The following ZC3H6 variants were observed in gnomAD, a reference collection of about 807,000 sequenced individuals.
The protein encoded by ZC3H6 is zinc finger CCCH-type containing 6.
ZC3H6 carries 40 observed loss-of-function variants against 107.7 expected under a neutral mutation model. The ratio of observed to expected loss-of-function variants is 0.37; its 90% CI spans 0.29 to 0.48. ZC3H6 has a LOEUF of 0.48. Among genes scored for constraint, ZC3H6 ranks in the 20% least tolerant of loss-of-function variants. ZC3H6 has a pLI of 0.98. For missense variants in ZC3H6, 1,267 were observed against 1,410.4 expected (o/e 0.90, Z 1.63); for synonymous variants, 493 against 487.9 (o/e 1.01, Z -0.14).
chr2:112,320,840 G>A (rs547804824), intron 7 of ZC3H6, among the ~76,000 whole-genome samples: 30 of 152,020 alleles, frequency 2.0e-4, no homozygotes, highest in African/African-American at 7.2e-4. Flanking sequence ...AGTGACTGTG[G>A]CAGACATAAA....
At position 112,299,922 on chromosome 2, in the gene ZC3H6, G is replaced by C; in HGVS notation, c.106G>C (p.Glu36Gln). 6.6e-7 allele frequency: 1 copy of C among 1,507,666 alleles called. No homozygotes were observed. Among genetic ancestry groups the C allele is most frequent in the African/African-American group, 1.4e-5 (1 of 70,834 alleles). The allele number at this position is 1,507,666 out of a possible 1,614,324, so 93.4% of individuals were successfully genotyped here. A position where few individuals can be genotyped will look rare whatever the true frequency, so the allele number is the denominator to read the frequency against. Residue 36 changes from glutamate (E) to glutamine (Q), a missense_variant, in exon 2 of 12, where the codon GAG becomes CAG. Around this residue, in one of 3 missense-constraint regions of ZC3H6, gnomAD observed 337 missense variants for 361.2 expected, o/e 0.93. Transcript: ENST00000409871. ...FEEIQEKEAK[E>Q]NEKQKSEKAY... ...AGAAATACAAGAAAAAGAAGCAAAA[G>C]AGAATGAAAAGCAGAAAAGTGAGAA...
intron 1 of ZC3H6, among the ~76,000 whole-genome samples, chr2:112,285,148 C>T (rs1314905143): frequency 1.3e-5 from 2 of 152,076 alleles, no homozygotes; most frequent in African/African-American, 4.8e-5. Flanking sequence ...AATATTATTA[C>T]ACTATTATTT....
At chr2:112,309,763 G>A in intron 3 of ZC3H6, 122 bp from the exon 4 acceptor site, 1 of 929,712 alleles carries the variant, frequency 1.1e-6, no homozygotes, top group Non-Finnish European at 1.6e-6. Context: ...TCAAGAGTCA[G>A]AACTAATAAC....
At position 112,326,114 on chromosome 2, in the gene ZC3H6, T is replaced by C. The variant is rs543343161; in HGVS notation, c.2086+917T>C. ...GTAGTAGGTATATATATTTATGGAG[T>C]ACATGAGGTATTTTGATAGAGGCAT... is the stretch of plus-strand genomic sequence containing the variant. On this transcript the variant is annotated intron_variant, in intron 11 of 11. Coordinates refer to ENST00000409871, the MANE Select transcript of ZC3H6 (RefSeq NM_198581.3). Among the ~76,000 whole-genome samples the C allele has an allele frequency of 2.6e-5, 4 of 152,156 alleles. No individual in the cohort carries two copies. The South Asian group carries it at 8.3e-4, about 32-fold the overall frequency.
At chr2:112,313,725 G>A (rs1229560861) in intron 5 of ZC3H6, among the ~76,000 whole-genome samples, 2 of 152,168 alleles carry the variant, frequency 1.3e-5, no homozygotes, top group Admixed American at 6.5e-5. Flanking sequence ...AGCAGTTCAT[G>A]TTCAGGAATG....
intron 1 of ZC3H6, among the ~76,000 whole-genome samples, chr2:112,282,691 A>C (rs1448414341): frequency 6.6e-6 from 1 of 152,214 alleles, no homozygotes; most frequent in Non-Finnish European, 1.5e-5. Flanking sequence ...AAGGACTAGA[A>C]ATTTACATCA....
intron 1 of ZC3H6, among the ~76,000 whole-genome samples, chr2:112,287,868 C>T (rs1019151016): frequency 9.8e-5 from 15 of 152,378 alleles, no homozygotes; most frequent in Middle Eastern, 6.8e-3. Context: ...TCCCAAAGTA[C>T]TGGGATTACA....
chr2:112,291,341 C>T (rs1334535011), intron 1 of ZC3H6, among the ~76,000 whole-genome samples: 1 of 152,288 alleles, frequency 6.6e-6, no homozygotes, highest in East Asian at 1.9e-4. Context: ...TCAAGCAATT[C>T]TCCTGCCTCA....
At chr2:112,323,552 G>T (rs986474181) in intron 9 of ZC3H6, among the ~76,000 whole-genome samples, 1 of 152,100 alleles carries the variant, frequency 6.6e-6, no homozygotes, top group African/African-American at 2.4e-5. Flanking sequence ...ATTGTATCCT[G>T]GTCAATGAAA....
At position 112,275,990 on chromosome 2, in the gene ZC3H6, C is replaced by T; in HGVS notation, c.-5C>T. On this transcript the variant is annotated 5_prime_UTR_variant, in exon 1 of 12. Coordinates refer to ENST00000409871, the MANE Select transcript of ZC3H6 (RefSeq NM_198581.3). ...CCTCCAGCCCCGCCCCGTTCTTGACCAAACATGACAGACTCTGAACATGCA... is the reference window on the plus strand; with the variant it reads ...CCTCCAGCCCCGCCCCGTTCTTGACTAAACATGACAGACTCTGAACATGCA... 3 of 1,537,714 alleles carry T rather than the reference C, an allele frequency of 2.0e-6. No individual in the cohort carries two copies. The highest frequency in any genetic ancestry group is 2.6e-6 in the Non-Finnish European group (3 of 1,141,676).
Position 112,339,355 on chromosome 2 carries a change from G to C in ZC3H6, c.*6867G>C, listed in dbSNP as rs1573971163. The C allele has an allele frequency of 2.0e-5, 3 of 152,268 alleles. No individual in the cohort carries two copies. In the East Asian group the frequency reaches 5.8e-4, roughly 29 times the overall value. The allele number at this position is 152,268 out of a possible 1,614,324, so 9.4% of individuals were successfully genotyped here. On this transcript the variant is annotated 3_prime_UTR_variant, in exon 12 of 12. Coordinates refer to ENST00000409871, the MANE Select transcript of ZC3H6 (RefSeq NM_198581.3). ...ATAGAAAAATATCTTTTCAAGGGTA[G>C]AATGATATTTCCTTATAAAAGTGAC...
intron 11 of ZC3H6, among the ~76,000 whole-genome samples, chr2:112,329,718 G>T (rs2104726197): frequency 6.6e-6 from 1 of 152,332 alleles, no homozygotes; most frequent in South Asian, 2.1e-4. Flanking sequence ...ATAGTCTGCT[G>T]ATCCAAGATA....
At position 112,324,599 on chromosome 2, in the gene ZC3H6, G is replaced by A. The variant is rs374914554; in HGVS notation, c.1788G>A (p.Glu596=). 2.3e-5 allele frequency: 37 copies of A among 1,611,406 alleles called. No homozygotes were observed. In the East Asian group the frequency reaches 6.7e-4, roughly 29 times the overall value. The change falls in exon 10 of 12, where the codon GAG becomes GAA. Residue 596 remains glutamate, a synonymous_variant. Transcript: ENST00000409871. ...ATGAGTCCCTGCAAAACCCAGCTGA[G>A]TTTTACGATAATTACTATGCACAGC... ...TNYESLQNPA[E]FYDNYYAQHS...
At chr2:112,320,258 GA>G (rs1441875811) in intron 7 of ZC3H6, among the ~76,000 whole-genome samples, 2 of 152,176 alleles carry the variant, frequency 1.3e-5, no homozygotes, top group Admixed American at 1.3e-4. Flanking sequence ...TTAGAAAAAT[GA>G]AATCTATAAT....
intron 11 of ZC3H6, among the ~76,000 whole-genome samples, chr2:112,327,615 T>C (rs1676936110): frequency 6.6e-6 from 1 of 152,202 alleles, no homozygotes; most frequent in Non-Finnish European, 1.5e-5. Flanking sequence ...TTACCCAATG[T>C]TTTCTGGTAG....
rs182639330 is a variant in ZC3H6 at position 112,285,840 on chromosome 2, A to T, written c.32+9814A>T. On this transcript the variant is annotated intron_variant, in intron 1 of 11. Coordinates refer to ENST00000409871, the MANE Select transcript of ZC3H6 (RefSeq NM_198581.3). ...GCTGGGTGTGGTGGCATGCGCCTGT[A>T]ATCCCAGCTACTTGGGAGGCTGAGG... Among the ~76,000 whole-genome samples the T allele has an allele frequency of 9.4e-3, 1,434 of 152,208 alleles. 24 individuals carry two copies. The highest frequency in any genetic ancestry group is 0.033 in the African/African-American group (1,387 of 41,548).
In ZC3H6 at chr2:112,331,767, T is replaced by A. The variant is rs376887156; in HGVS notation, c.2849T>A (p.Phe950Tyr). The A allele has an allele frequency of 3.1e-6, 5 of 1,613,466 alleles. No individual in the cohort carries two copies. The highest frequency in any genetic ancestry group is 1.3e-5 in the African/African-American group (1 of 74,834). The change falls in exon 12 of 12, where the codon TTT (phenylalanine) becomes TAT (tyrosine). Residue 950 changes from phenylalanine to tyrosine, a missense_variant. Coordinates refer to ENST00000409871, the MANE Select transcript of ZC3H6 (RefSeq NM_198581.3). ...TTNREGYLEQ[F>Y]GDSHGSGAKL... ...AACAGAGAAGGCTACCTAGAACAATTTGGAGACTCACACGGTTCAGGAGCT... is the reference window on the plus strand; with the variant it reads ...AACAGAGAAGGCTACCTAGAACAATATGGAGACTCACACGGTTCAGGAGCT...
intron 11 of ZC3H6, among the ~76,000 whole-genome samples, chr2:112,327,821 GA>G (rs1306242195): frequency 1.3e-5 from 2 of 152,104 alleles, no homozygotes; most frequent in African/African-American, 4.8e-5. Flanking sequence ...GTTCACTGTA[GA>G]TGTATGGGTT....
chr2:112,313,578 G>T (rs72833423), intron 5 of ZC3H6, among the ~76,000 whole-genome samples: 2,213 of 152,128 alleles, frequency 0.015, 26 homozygotes, highest in Non-Finnish European at 0.02. Flanking sequence ...TGTAGATCTG[G>T]GCTATACCTA....
Sources: allele counts gnomAD v4.1 joint callset (sites outside exome capture counted in the v4.1 genomes callset), GRCh38; gene constraint gnomAD v4.1.1; regional missense constraint gnomAD v4.1.1; transcripts MANE v1.5; gene names NCBI Gene and HGNC (gene_info 2026-07-23, HGNC 2026-07-21).